The following SVEP1 variants were observed in gnomAD, a reference collection of about 807,000 sequenced individuals.
The protein encoded by SVEP1 is sushi, von Willebrand factor type A, EGF and pentraxin domain containing 1.
Under a neutral mutation model 367.3 loss-of-function variants are expected in SVEP1, and 164 were observed. That is an observed-to-expected ratio of 0.45 (90% confidence interval 0.39 to 0.51). The LOEUF is 0.51. SVEP1 is among the 20% of genes least tolerant of loss of function. The probability of loss-of-function intolerance (pLI) is 0.00; values close to 1 mark genes in which losing one functional copy is unlikely to be tolerated. For missense variants in SVEP1, 4,117 were observed against 4,425.3 expected, an observed-to-expected ratio of 0.93 and a Z score of 1.98; for synonymous variants, 1,666 against 1,611.6, an observed-to-expected ratio of 1.03 and a Z score of -0.81.
At chr9:110,455,724 T>C (rs751994933) in intron 21 of SVEP1, 21 bp from the exon 22 acceptor site, 2 of 1,584,906 alleles carry the variant, frequency 1.3e-6, no homozygotes, top group African/African-American at 2.7e-5. Context: ...AACCAAATGC[T>C]GAGGGACAAT....
intron 23 of SVEP1, among the ~76,000 whole-genome samples, chr9:110,450,836 T>C (rs768438541): frequency 3.9e-5 from 6 of 152,148 alleles, no homozygotes; most frequent in Admixed American, 2.0e-4. Context: ...AGACATCTAA[T>C]TGAGATAATG....
chr9:110,452,400 C>T (rs1341924103), intron 22 of SVEP1, among the ~76,000 whole-genome samples: 5 of 152,062 alleles, frequency 3.3e-5, no homozygotes, highest in Non-Finnish European at 7.4e-5. Flanking sequence ...CCAGGTGTCG[C>T]TAATATGAGA....
chr9:110,450,303 C>A (rs772550555), intron 23 of SVEP1, 43 bp from the exon 24 acceptor site: 1 of 1,593,582 alleles, frequency 6.3e-7, no homozygotes, highest in East Asian at 2.2e-5. Context: ...ATGATTAACT[C>A]CCTGGGAACA....
In SVEP1 at chr9:110,404,351, C is replaced by T. The variant is rs1206947636; in HGVS notation, c.9642G>A (p.Glu3214=). The change falls in exon 39 of 48, where the codon GAG becomes GAA. Residue 3214 remains glutamate, a synonymous_variant. Transcript: ENST00000374469. ...SVSCAEGYTF[E]GVNISVCQLD... The stretch of plus-strand genomic sequence containing the variant: ...CCTGACATACTGATATGTTAACTCC[C>T]TCAAAGGTATACCCTTCTGCACATG... 2 of 1,613,822 alleles carry T rather than the reference C, an allele frequency of 1.2e-6. No homozygotes were observed. Among genetic ancestry groups the T allele is most frequent in the African/African-American group, 2.7e-5 (2 of 74,896 alleles).
chr9:110,400,790 T>A (rs924793804), intron 40 of SVEP1, 64 bp downstream of exon 40: 7 of 1,507,470 alleles, frequency 4.6e-6, no homozygotes, highest in Non-Finnish European at 6.2e-6. Flanking sequence ...GTGCTAATAC[T>A]GAAAGTATCC....
chr9:110,435,476 TGGAGG>T, intron 28 of SVEP1, 112 bp from the exon 29 acceptor site: 1 of 1,263,074 alleles, frequency 7.9e-7, no homozygotes, highest in Non-Finnish European at 1.1e-6. Context: ...GAGATGGGGG[TGGAGG>T]GAAGCAGGTA....
intron 36 of SVEP1, among the ~76,000 whole-genome samples, chr9:110,415,902 C>T (rs546276157): frequency 3.3e-5 from 5 of 152,080 alleles, no homozygotes; most frequent in Admixed American, 1.3e-4. Flanking sequence ...AATATAGCTT[C>T]GGAGTTAAAA....
At chr9:110,472,411 A>C in intron 14 of SVEP1, 88 bp from the exon 15 acceptor site, 1 of 1,294,962 alleles carries the variant, frequency 7.7e-7, no homozygotes, top group Non-Finnish European at 1.0e-6. Flanking sequence ...AAGTGAAATT[A>C]CACTTGACCA....
At chr9:110,475,489 C>T (rs758097069) in intron 14 of SVEP1, among the ~76,000 whole-genome samples, 1 of 151,816 alleles carries the variant, frequency 6.6e-6, no homozygotes, top group Non-Finnish European at 1.5e-5. Flanking sequence ...GTAGAGTCCA[C>T]GTGTTTAACC....
chr9:110,517,130 A>G (rs1490421751), intron 3 of SVEP1, among the ~76,000 whole-genome samples: 2 of 152,194 alleles, frequency 1.3e-5, no homozygotes, highest in East Asian at 3.8e-4. Flanking sequence ...GAAGAGAAAG[A>G]CATTCGAGGA....
chr9:110,505,050 G>A (rs918111809), intron 5 of SVEP1, among the ~76,000 whole-genome samples: 2 of 152,100 alleles, frequency 1.3e-5, no homozygotes, highest in Non-Finnish European at 2.9e-5. Context: ...AAACGCCCCC[G>A]TACCTCAGCC....
chr9:110,449,557 C>A (rs1029928568), intron 24 of SVEP1, among the ~76,000 whole-genome samples: 3 of 152,114 alleles, frequency 2.0e-5, no homozygotes, highest in Non-Finnish European at 4.4e-5. Context: ...GTGGCAGGCA[C>A]CTGTAATCCC....
intron 40 of SVEP1, among the ~76,000 whole-genome samples, chr9:110,396,522 G>A (rs1487699974): frequency 6.6e-6 from 1 of 151,986 alleles, no homozygotes; most frequent in East Asian, 1.9e-4. Flanking sequence ...AGGAAATAGA[G>A]ACACAAAAAA....
chr9:110,368,501 A>G (rs142051613), intron 47 of SVEP1, among the ~76,000 whole-genome samples: 30 of 152,220 alleles, frequency 2.0e-4, no homozygotes, highest in Non-Finnish European at 4.0e-4. Context: ...ATTAATGTAC[A>G]GTATTTTAAT....
intron 27 of SVEP1, chr9:110,442,943 T>C (rs1828535556): frequency 6.6e-6 from 1 of 152,162 alleles, no homozygotes; most frequent in Non-Finnish European, 1.5e-5. Flanking sequence ...TTTTTGTCTA[T>C]TTAATTTTCT....
intron 8 of SVEP1, among the ~76,000 whole-genome samples, chr9:110,495,601 C>T (rs1361703217): frequency 3.9e-5 from 6 of 151,952 alleles, no homozygotes; most frequent in East Asian, 1.9e-4. Context: ...TTCTATGTTG[C>T]GCTCTGCATC....
chr9:110,393,709 T>C (rs1190874327), intron 40 of SVEP1, among the ~76,000 whole-genome samples: 5 of 152,326 alleles, frequency 3.3e-5, no homozygotes, highest in African/African-American at 4.8e-5. Flanking sequence ...CAGGAGATTA[T>C]ATCCCGCACC....
intron 3 of SVEP1, among the ~76,000 whole-genome samples, chr9:110,519,190 G>A (rs965280435): frequency 1.4e-4 from 22 of 152,222 alleles, no homozygotes; most frequent in African/African-American, 4.6e-4. Context: ...GTTGTTGTTA[G>A]GATTAATTGA....
rs1386008869 is a variant in SVEP1, at chr9:110,407,976, C to T, written c.7624G>A (p.Gly2542Ser). The T allele has an allele frequency of 2.5e-6, 4 of 1,613,920 alleles. No individual in the cohort carries two copies. The highest frequency in any genetic ancestry group is 1.7e-5 in the Admixed American group (1 of 60,004). Residue 2542 changes from glycine to serine, a missense_variant, in exon 38 of 48, where the codon GGT becomes AGT. Physicochemically the swap from Gly to Ser is moderately conservative, Grantham distance 56. Coordinates refer to ENST00000374469, the MANE Select transcript of SVEP1 (RefSeq NM_153366.4). ...GPSALTCLET[G>S]DWDVDAPSCN... ...GATGGGGCATCTACATCCCAATCAC[C>T]TGTCTCTAAACAGGTCAAGGCACTG...
Sources: allele counts gnomAD v4.1 joint callset (sites outside exome capture counted in the v4.1 genomes callset), GRCh38; gene constraint gnomAD v4.1.1; transcripts MANE v1.5; gene names NCBI Gene and HGNC (gene_info 2026-07-23, HGNC 2026-07-21).